The following GPR149 variants were observed in gnomAD, a reference collection of about 807,000 sequenced individuals.
GPR149 encodes the protein probable G protein-coupled receptor 149.
GPR149 carries 50 observed loss-of-function variants against 50.2 expected under a neutral mutation model. The ratio of observed to expected loss-of-function variants is 1.00; its 90% CI spans 0.79 to 1.26. GPR149 has a LOEUF of 1.26. GPR149 is among the 50% of genes most tolerant of loss of function. The pLI, the probability that GPR149 is intolerant of heterozygous loss-of-function variation, is 0.00. For missense variants in GPR149, 983 were observed against 895.4 expected, an observed-to-expected ratio of 1.10 and a Z score of -1.25; for synonymous variants, 405 against 358.2, an observed-to-expected ratio of 1.13 and a Z score of -1.48.
chr3:154,374,962 A>T (rs182348582), intron 3 of GPR149, among the ~76,000 whole-genome samples: 1 of 152,212 alleles, frequency 6.6e-6, no homozygotes, highest in African/African-American at 2.4e-5. Flanking sequence ...TTGAGCAAAG[A>T]TAAGTATTTA....
At chr3:154,415,049 AT>A (rs1455304223) in intron 3 of GPR149, among the ~76,000 whole-genome samples, 1 of 151,916 alleles carries the variant, frequency 6.6e-6, no homozygotes, top group Non-Finnish European at 1.5e-5. Flanking sequence ...ACTCTGTACT[AT>A]TTTTTTGCAA....
At chr3:154,356,813 C>A (rs916003643) in intron 3 of GPR149, among the ~76,000 whole-genome samples, 12 of 152,184 alleles carry the variant, frequency 7.9e-5, no homozygotes, top group Non-Finnish European at 1.6e-4. Flanking sequence ...ACTTTCTTCA[C>A]AGAATTGGAA....
At chr3:154,345,820 T>C (rs701138) in intron 3 of GPR149, among the ~76,000 whole-genome samples, 137,835 of 152,128 alleles carry the variant, frequency 0.91, 62,674 homozygotes, top group East Asian at 1. Context: ...TTATATAGCA[T>C]CTAGGATCAT....
intron 3 of GPR149, chr3:154,352,394 G>A: frequency 9.2e-7 from 1 of 1,090,636 alleles, no homozygotes; most frequent in Non-Finnish European, 1.4e-6. Context: ...AGAGTATCCA[G>A]TTGGAATCGT....
At chr3:154,424,227 TG>T (rs1712233059) in intron 2 of GPR149, among the ~76,000 whole-genome samples, 1 of 151,866 alleles carries the variant, frequency 6.6e-6, no homozygotes, top group African/African-American at 2.4e-5. Flanking sequence ...ATTCAGCTCA[TG>T]GGTCATGGGT....
intron 3 of GPR149, among the ~76,000 whole-genome samples, chr3:154,398,434 T>G (rs1193157124): frequency 1.3e-5 from 2 of 152,210 alleles, no homozygotes; most frequent in African/African-American, 4.8e-5. Flanking sequence ...TTTCTCTATC[T>G]CTGATATTTT....
chr3:154,390,480 G>C (rs1715144750), intron 3 of GPR149, among the ~76,000 whole-genome samples: 1 of 151,678 alleles, frequency 6.6e-6, no homozygotes, highest in African/African-American at 2.4e-5. Context: ...CAGAAGACAG[G>C]ATTAGTGAAA....
intron 3 of GPR149, among the ~76,000 whole-genome samples, chr3:154,393,500 T>A (rs1483540077): frequency 6.6e-6 from 1 of 151,956 alleles, no homozygotes; most frequent in African/African-American, 2.4e-5. Flanking sequence ...TTTAAAAGTG[T>A]TTTCTTTAAG....
intron 3 of GPR149, chr3:154,352,947 T>C: frequency 1.1e-6 from 1 of 926,626 alleles, no homozygotes; most frequent in East Asian, 2.4e-5. Flanking sequence ...AGGAGGAGAA[T>C]GTTGAATCAC....
At chr3:154,355,827 A>C (rs996280794) in intron 3 of GPR149, among the ~76,000 whole-genome samples, 24 of 152,244 alleles carry the variant, frequency 1.6e-4, no homozygotes, top group African/African-American at 5.8e-4. Context: ...ATTAGGTCAG[A>C]AATGATATAT....
At chr3:154,383,852 G>A (rs1714986040) in intron 3 of GPR149, among the ~76,000 whole-genome samples, 1 of 151,994 alleles carries the variant, frequency 6.6e-6, no homozygotes, top group Admixed American at 6.6e-5. Flanking sequence ...CAGCCCAAGG[G>A]AGCTTGTTTG....
At chr3:154,398,771 A>G (rs1159014674) in intron 3 of GPR149, among the ~76,000 whole-genome samples, 2 of 152,168 alleles carry the variant, frequency 1.3e-5, no homozygotes, top group African/African-American at 2.4e-5. Context: ...GAACTAACTC[A>G]GAGAAACCAA....
chr3:154,388,373 A>G (rs1190001196), intron 3 of GPR149, among the ~76,000 whole-genome samples: 1 of 151,730 alleles, frequency 6.6e-6, no homozygotes, highest in East Asian at 1.9e-4. Context: ...TTGGAATCCA[A>G]TTTTCCTTTT....
rs191447305 is a variant in GPR149, at chr3:154,352,286, G to A, written c.1624-14015C>T. Reference sequence around the variant, plus strand: ...ATGGACCACCTGACTGGCCTGACCCGCCTGACCAGCCACTTGACCAGCCAT... The same window carrying A: ...ATGGACCACCTGACTGGCCTGACCCACCTGACCAGCCACTTGACCAGCCAT... On this transcript the variant is annotated intron_variant, in intron 3 of 3. Coordinates refer to ENST00000389740, the MANE Select transcript of GPR149 (RefSeq NM_001038705.3). 217 of 868,550 alleles carry A rather than the reference G, an allele frequency of 2.5e-4. 1 individual carries two copies. The African/African-American group carries it at 2.8e-3, about 11-fold the overall frequency. The allele number at this position is 868,550 out of a possible 1,614,324, so 53.8% of individuals were successfully genotyped here. A position where few individuals can be genotyped will look rare whatever the true frequency, so the allele number is the denominator to read the frequency against.
chr3:154,374,808 G>T lies in GPR149; in HGVS notation c.1624-36537C>A, dbSNP rs1414591820. 3.9e-5 allele frequency among the ~76,000 whole-genome samples: 6 copies of T among 152,072 alleles called. No individual in the cohort carries two copies. In the East Asian group the frequency reaches 1.2e-3, roughly 29 times the overall value. ...ACCATCATTAGTGAGGCAGCCTTTG[G>T]TCCTCAGAGAAACACTTGAAATGGG... On this transcript the variant is annotated intron_variant, in intron 3 of 3. Coordinates refer to ENST00000389740, the MANE Select transcript of GPR149 (RefSeq NM_001038705.3).
At chr3:154,411,377 A>C (rs992449735) in intron 3 of GPR149, among the ~76,000 whole-genome samples, 8 of 152,108 alleles carry the variant, frequency 5.3e-5, no homozygotes, top group South Asian at 2.1e-4. Context: ...AACAAACAAA[A>C]AAAATTAATA....
At chr3:154,425,419 C>T (rs1712264613) in intron 2 of GPR149, among the ~76,000 whole-genome samples, 1 of 152,054 alleles carries the variant, frequency 6.6e-6, no homozygotes, top group Admixed American at 6.6e-5. Context: ...CCACCTGGCC[C>T]ACCTAAGCAT....
At chr3:154,374,871 A>G (rs1303476664) in intron 3 of GPR149, among the ~76,000 whole-genome samples, 1 of 152,102 alleles carries the variant, frequency 6.6e-6, no homozygotes, top group Non-Finnish European at 1.5e-5. Context: ...AACACATCCA[A>G]CCTTTCTAAC....
Position 154,335,670 on chromosome 3 carries a change from C to T in GPR149, c.*2029G>A, listed in dbSNP as rs895192853. 13 of 152,072 alleles carry T rather than the reference C, an allele frequency of 8.5e-5. No individual in the cohort carries two copies. Among genetic ancestry groups the T allele is most frequent in the Middle Eastern group, 3.2e-3 (1 of 316 alleles). The allele number at this position is 152,072 out of a possible 1,614,324, so 9.4% of individuals were successfully genotyped here. On this transcript the variant is annotated 3_prime_UTR_variant, in exon 4 of 4. Coordinates refer to ENST00000389740, the MANE Select transcript of GPR149 (RefSeq NM_001038705.3). ...CTTGTCCAGTTAAAATAAAATGAGA[C>T]GGAAAATGGGTATTATTGTCTTCTA...
Sources: allele counts gnomAD v4.1 joint callset (sites outside exome capture counted in the v4.1 genomes callset), GRCh38; gene constraint gnomAD v4.1.1; transcripts MANE v1.5; gene names NCBI Gene and HGNC (gene_info 2026-07-23, HGNC 2026-07-21).